Variants in PKHD1L1 observed in about 807,000 individuals in gnomAD.
PKHD1L1 encodes the protein fibrocystin-L.
PKHD1L1 carries 434 observed loss-of-function variants against 462.9 expected under a neutral mutation model. The observed-to-expected ratio is 0.94, with a 90% confidence interval of 0.87 to 1.02. The LOEUF (loss-of-function observed/expected upper bound fraction) is 1.02, where lower values mean the gene tolerates loss of function less well. Ranked by LOEUF, PKHD1L1 falls within the 50% of genes least tolerant of loss-of-function variation. PKHD1L1 has a pLI of 0.00. For missense variants in PKHD1L1, 5,202 were observed against 5,096.1 expected (o/e 1.02, Z -0.63); for synonymous variants, 1,781 against 1,750.0 (o/e 1.02, Z -0.44).
chr8:109,404,422 A>G (rs1156303862), intron 14 of PKHD1L1, 132 bp from the exon 15 acceptor site: 10 of 501,984 alleles, frequency 2.0e-5, no homozygotes, highest in Non-Finnish European at 2.2e-5. Flanking sequence ...AATATTTAAA[A>G]TATGAGATAC....
rs1364310085 is a variant in PKHD1L1 at position 109,535,255 on chromosome 8, A to G, written c.*5165A>G. On this transcript the variant is annotated 3_prime_UTR_variant, in exon 78 of 78. Coordinates refer to ENST00000378402, the MANE Select transcript of PKHD1L1 (RefSeq NM_177531.6). ...GATATTTATGACTGTGCCTGGCTAC[A>G]TGGCAATAGTATTTTCCTTTGGTTT... is the stretch of plus-strand genomic sequence containing the variant. 6.6e-6 allele frequency among the ~76,000 whole-genome samples: 1 copy of G among 152,180 alleles called. No homozygotes were observed. The highest frequency in any genetic ancestry group is 1.5e-5 in the Non-Finnish European group (1 of 68,024).
rs1461123335 is a variant in PKHD1L1 at position 109,477,292 on chromosome 8, CGTT to C, written c.8989_8991del (p.Val2997del). ...GGAACCTGGATCCTGATGTGAAAGACGTTGTTATTAATTTCCAAGCTTACTGTT... is the reference window on the plus strand; with the variant it reads ...GGAACCTGGATCCTGATGTGAAAGACGTTATTAATTTCCAAGCTTACTGTT... On this transcript the variant is annotated inframe_deletion, in exon 53 of 78. Transcript: ENST00000378402. 6.2e-7 allele frequency: 1 copy of C among 1,613,452 alleles called. No homozygotes were observed. Among genetic ancestry groups the C allele is most frequent in the South Asian group, 1.1e-5 (1 of 91,062 alleles).
chr8:109,414,164 G>C (rs1017813369), intron 21 of PKHD1L1, among the ~76,000 whole-genome samples: 2 of 152,046 alleles, frequency 1.3e-5, no homozygotes. Context: ...TTCATACACA[G>C]TACATACAAA....
At chr8:109,408,645 A>C (rs1813686849) in intron 18 of PKHD1L1, among the ~76,000 whole-genome samples, 1 of 152,204 alleles carries the variant, frequency 6.6e-6, no homozygotes, top group Admixed American at 6.5e-5. Flanking sequence ...TCAGAGAGAA[A>C]TTTTAAGGCT....
Position 109,533,519 on chromosome 8 carries a change from A to G in PKHD1L1, c.*3429A>G, listed in dbSNP as rs1235150640. The stretch of plus-strand genomic sequence containing the variant: ...GCACTGGGCCACCTAGAACAAAGAC[A>G]ATTTCCCAGCTTCACTTGCAGTGAG... On this transcript the variant is annotated 3_prime_UTR_variant, in exon 78 of 78. Coordinates refer to ENST00000378402, the MANE Select transcript of PKHD1L1 (RefSeq NM_177531.6). Among the ~76,000 whole-genome samples the G allele has an allele frequency of 6.6e-6, 1 of 152,186 alleles. No homozygotes were observed. The highest frequency in any genetic ancestry group is 1.5e-5 in the Non-Finnish European group (1 of 68,022).
chr8:109,413,585 G>C (rs1316109431), intron 21 of PKHD1L1, 40 bp downstream of exon 21: 1 of 1,417,188 alleles, frequency 7.1e-7, no homozygotes, highest in Non-Finnish European at 9.3e-7. Context: ...ATTATACCAT[G>C]GTATATAAAC....
intron 58 of PKHD1L1, among the ~76,000 whole-genome samples, chr8:109,485,432 C>G (rs1400178994): frequency 6.6e-6 from 1 of 151,960 alleles, no homozygotes; most frequent in Non-Finnish European, 1.5e-5. Context: ...TCAACACTTT[C>G]TGTTTGAAGC....
Position 109,526,923 on chromosome 8 carries a change from T to G in PKHD1L1, c.12624T>G (p.Tyr4208Ter), listed in dbSNP as rs375515875. ...SNSKASTVGT[Y>*]AQIMTVVISC... Reference sequence around the variant, plus strand: ...GCAAAGCATCAACTGTGGGTACATATGCCCAGATAATGACTGTAGTAATTA... The same window carrying G: ...GCAAAGCATCAACTGTGGGTACATAGGCCCAGATAATGACTGTAGTAATTA... The change falls in exon 77 of 78, where the codon TAT (tyrosine) becomes TAG (stop). Residue 4208 changes from tyrosine to a stop codon, truncating the protein, a stop_gained. Coordinates refer to ENST00000378402, the MANE Select transcript of PKHD1L1 (RefSeq NM_177531.6). LOFTEE classifies it high-confidence loss of function. 31 of 1,613,598 alleles carry G rather than the reference T, an allele frequency of 1.9e-5. No homozygotes were observed. Among genetic ancestry groups the G allele is most frequent in the Non-Finnish European group, 2.5e-5 (30 of 1,179,816 alleles).
chr8:109,498,494 T>C lies in PKHD1L1; in HGVS notation c.10632T>C (p.Phe3544=), dbSNP rs1819234406. 6.2e-7 allele frequency: 1 copy of C among 1,613,206 alleles called. No individual in the cohort carries two copies. The highest frequency in any genetic ancestry group is 1.7e-5 in the Admixed American group (1 of 60,004). ...TAATTGTTGGAAGTAGCCCTGGGTT[T>C]AATTGCTCTGATGTCCTAACTAATG... The part of the protein sequence containing the change: ...SSLIVGSSPG[F]NCSDVLTNDD... The change falls in exon 66 of 78, where the codon TTT becomes TTC. Residue 3544 remains phenylalanine (F), a synonymous_variant. Transcript: ENST00000378402.
intron 14 of PKHD1L1, 140 bp from the exon 15 acceptor site, chr8:109,404,414 T>C: frequency 2.1e-6 from 1 of 475,926 alleles, no homozygotes; most frequent in Non-Finnish European, 3.4e-6. Context: ...AACATTTGAA[T>C]ATTTAAAATA....
At chr8:109,449,849 T>C (rs1043582230) in intron 40 of PKHD1L1, among the ~76,000 whole-genome samples, 2 of 152,184 alleles carry the variant, frequency 1.3e-5, no homozygotes, top group African/African-American at 4.8e-5. Context: ...CGATAGTGCA[T>C]TGCTAAACTC....
chr8:109,481,701 T>C (rs1163949267), intron 56 of PKHD1L1, 139 bp downstream of exon 56: 14 of 829,406 alleles, frequency 1.7e-5, no homozygotes, highest in Non-Finnish European at 2.1e-5. Context: ...GTATCAGAAG[T>C]TTTTACAGAA....
At chr8:109,388,682 T>C (rs1056302686) in intron 7 of PKHD1L1, 132 bp downstream of exon 7, 110 of 662,496 alleles carry the variant, frequency 1.7e-4, no homozygotes, top group African/African-American at 1.6e-3. Flanking sequence ...ATATTCCACA[T>C]AGCGCATTAG....
At chr8:109,492,687 A>T (rs1295353908) in intron 62 of PKHD1L1, among the ~76,000 whole-genome samples, 3 of 151,868 alleles carry the variant, frequency 2.0e-5, no homozygotes, top group African/African-American at 7.2e-5. Flanking sequence ...TATCAATTCC[A>T]AATCTTTAAG....
chr8:109,515,036 C>CATCCCTT (rs1820192419), intron 71 of PKHD1L1, 134 bp from the exon 72 acceptor site: 1 of 634,512 alleles, frequency 1.6e-6, no homozygotes, highest in Non-Finnish European at 2.4e-6. Context: ...AATTTTAGTT[C>CATCCCTT]ATCCCTTATC....
chr8:109,449,215 T>A, intron 39 of PKHD1L1, 123 bp from the exon 40 acceptor site: 1 of 938,034 alleles, frequency 1.1e-6, no homozygotes, highest in Non-Finnish European at 1.5e-6. Flanking sequence ...TAATTTCAGT[T>A]CTAAAAAACT....
At chr8:109,447,970 A>AG (rs1207402160) in intron 38 of PKHD1L1, among the ~76,000 whole-genome samples, 173 bp from the exon 39 acceptor site, 1 of 152,230 alleles carries the variant, frequency 6.6e-6, no homozygotes, top group Non-Finnish European at 1.5e-5. Context: ...AGTAGACTGT[A>AG]GGGTATATTG....
In PKHD1L1 at chr8:109,444,880, A is replaced by G; in HGVS notation, c.5011A>G (p.Thr1671Ala). The change falls in exon 38 of 78, where the codon ACT becomes GCT. Residue 1671 changes from threonine (T) to alanine (A), a missense_variant. By Grantham distance (58) the Thr-to-Ala change is moderately conservative. This residue lies in a region of PKHD1L1 where 4,497 missense variants were observed against 4,336.8 expected (regional missense o/e 1.04). Transcript: ENST00000378402. ...IDLVLPNAGS[T>A]TGMTSVTIKG... is the part of the protein sequence containing the mutation. The stretch of plus-strand genomic sequence containing the variant: ...CCTGGTGTTGCCAAATGCAGGATCA[A>G]CTACAGGAATGACAAGCGTGACCAT... 2 of 1,614,050 alleles carry G rather than the reference A, an allele frequency of 1.2e-6. No individual in the cohort carries two copies. The highest frequency in any genetic ancestry group is 1.7e-6 in the Non-Finnish European group (2 of 1,179,904).
intron 72 of PKHD1L1, among the ~76,000 whole-genome samples, chr8:109,516,971 AAGGAGGAGGGC>A (rs1209244934): frequency 1.3e-5 from 2 of 152,126 alleles, no homozygotes; most frequent in African/African-American, 4.8e-5. Context: ...AAAATTTTAA[AAGGAGGAGGGC>A]ATTTCACAGT....
Sources: allele counts gnomAD v4.1 joint callset (sites outside exome capture counted in the v4.1 genomes callset), GRCh38; gene constraint gnomAD v4.1.1; regional missense constraint gnomAD v4.1.1; transcripts MANE v1.5; gene names NCBI Gene and HGNC (gene_info 2026-07-23, HGNC 2026-07-21).